Variants in UGT2B17 observed in about 807,000 individuals in gnomAD.
The protein encoded by UGT2B17 is UDP glucuronosyltransferase family 2 member B17, also known as UDP-glucuronosyltransferase 2B17.
Under a neutral mutation model 48.2 loss-of-function variants are expected in UGT2B17, and 21 were observed. That is an observed-to-expected ratio of 0.44 (90% confidence interval 0.31 to 0.63). UGT2B17 has a LOEUF of 0.63. Among genes scored for constraint, UGT2B17 ranks in the 20% least tolerant of loss-of-function variants. The pLI, the probability that UGT2B17 is intolerant of heterozygous loss-of-function variation, is 0.08. For synonymous variants in UGT2B17, 146 were observed against 238.4 expected, an observed-to-expected ratio of 0.61 and a Z score of 3.57; for missense variants, 402 against 696.1, an observed-to-expected ratio of 0.58 and a Z score of 4.75.
At position 68,571,465 on chromosome 4, in the gene UGT2B17, G is replaced by T. The variant is rs1350528200; in HGVS notation, c.-64-2917C>A. Among the ~76,000 whole-genome samples the T allele has an allele frequency of 1.6e-5, 2 of 126,528 alleles. 1 individual carries two copies. The highest frequency in any genetic ancestry group is 3.4e-5 in the Non-Finnish European group (2 of 59,666). The allele number at this position is 126,528 out of a possible 152,430, so 83.0% of individuals were successfully genotyped here. On this transcript the variant is annotated intron_variant, in intron 1 of 6. Transcript: ENST00000317746. ...CAGTCTGCAACTTTGGAAATTTACT[G>T]AATGGATTTCTTTCTGTGTAATTGG...
Position 68,567,853 on chromosome 4 carries a change from C to G in UGT2B17, c.632G>C (p.Arg211Thr). The change falls in exon 2 of 7, where the codon AGG becomes ACG. Residue 211 changes from arginine to threonine, a missense_variant. By Grantham distance (71) the Arg-to-Thr change is moderately conservative. Around this residue, in one of 5 missense-constraint regions of UGT2B17, gnomAD observed 106 missense variants for 169.8 expected, o/e 0.62. Transcript: ENST00000317746. ...ELSDQMIFME[R>T]IKNMIYMLYF... ...AAGCATATATATCATATTTTTTATC[C>G]TCTCCATGAAAATCATTTGATCACT... 1 of 1,375,752 alleles carries G rather than the reference C, an allele frequency of 7.3e-7. No individual in the cohort carries two copies. Among genetic ancestry groups the G allele is most frequent in the Non-Finnish European group, 9.5e-7 (1 of 1,053,626 alleles). 85.2% of individuals were successfully genotyped at this position (1,375,752 alleles called of 1,614,324 possible). A position where few individuals can be genotyped will look rare whatever the true frequency, so the allele number is the denominator to read the frequency against.
In UGT2B17 at chr4:68,544,006, C is replaced by A. The variant is rs1730743057; in HGVS notation, c.1314-6102G>T. 2.4e-5 allele frequency among the ~76,000 whole-genome samples: 3 copies of A among 126,654 alleles called. 1 individual carries two copies. Among genetic ancestry groups the A allele is most frequent in the Non-Finnish European group, 5.0e-5 (3 of 59,760 alleles). 83.1% of individuals were successfully genotyped at this position (126,654 alleles called of 152,430 possible). A position where few individuals can be genotyped will look rare whatever the true frequency, so the allele number is the denominator to read the frequency against. On this transcript the variant is annotated intron_variant, in intron 6 of 6. Transcript: ENST00000317746. ...GAATGGAAACAAGTTGGAAAACACT[C>A]TGCAGGTTATCATCCAGGAGAGCTT...
Position 68,537,671 on chromosome 4 carries a change from C to G in UGT2B17, c.1547G>C (p.Cys516Ser). ...TCCTGTTTTGGCAAGCTTTCGGAAA[C>G]AAAACAGGCAACATTTTGTGATCAT... is the stretch of plus-strand genomic sequence containing the variant. ...IFMITKCCLF[C>S]FRKLAKTGKK... Residue 516 changes from cysteine (C) to serine (S), a missense_variant, in exon 7 of 7, where the codon TGT (cysteine) becomes TCT (serine). Around this residue, in one of 5 missense-constraint regions of UGT2B17, gnomAD observed 156 missense variants for 258.6 expected, o/e 0.60. Transcript: ENST00000317746. The G allele has an allele frequency of 7.3e-7, 1 of 1,375,946 alleles. No individual in the cohort carries two copies. Among genetic ancestry groups the G allele is most frequent in the African/African-American group, 1.5e-5 (1 of 67,894 alleles). The allele number at this position is 1,375,946 out of a possible 1,614,324, so 85.2% of individuals were successfully genotyped here.
chr4:68,537,972 G>A, intron 6 of UGT2B17, 68 bp from the exon 7 acceptor site: 1 of 1,111,918 alleles, frequency 9.0e-7, no homozygotes, highest in Non-Finnish European at 1.2e-6. Context: ...CAAGTCTATG[G>A]ATGGTCTTTG....
chr4:68,549,474 G>C (rs1297746297), intron 6 of UGT2B17, among the ~76,000 whole-genome samples: 1 of 124,446 alleles, frequency 8.0e-6, no homozygotes, highest in African/African-American at 2.7e-5. Flanking sequence ...ATAGAAAAAT[G>C]ACAAAATGTT....
Position 68,565,619 on chromosome 4 carries a change from C to A in UGT2B17, c.826G>T (p.Asp276Tyr), listed in dbSNP as rs769625320. 5.5e-5 allele frequency: 76 copies of A among 1,370,810 alleles called. 19 individuals carry two copies. The highest frequency in any genetic ancestry group is 1.2e-4 in the Admixed American group (6 of 49,200). The allele number at this position is 1,370,810 out of a possible 1,614,324, so 84.9% of individuals were successfully genotyped here. Residue 276 changes from aspartate (D) to tyrosine (Y), a missense_variant, in exon 3 of 7, where the codon GAT becomes TAT. This residue lies in a region of UGT2B17 where 106 missense variants were observed against 169.8 expected (regional missense o/e 0.62). Coordinates refer to ENST00000317746, the MANE Select transcript of UGT2B17 (RefSeq NM_001077.4). Reference protein sequence around the residue: ...EFPRPFLPNVDFVGGLHCKPA... With the variant: ...EFPRPFLPNVYFVGGLHCKPA... ...TTACAGTGAAGTCCTCCAACAAAAT[C>A]AACATTTGGTAAGAATGGGCGAGGA...
At chr4:68,573,922 G>A (rs1297382769) in intron 1 of UGT2B17, among the ~76,000 whole-genome samples, 6 of 126,628 alleles carry the variant, frequency 4.7e-5, no homozygotes, top group African/African-American at 1.6e-4. Flanking sequence ...GGGACTTCAG[G>A]ATATAGCAGA....
In UGT2B17 at chr4:68,540,192, C is replaced by G. The variant is rs1190831463; in HGVS notation, c.1314-2288G>C. Among the ~76,000 whole-genome samples the G allele has an allele frequency of 5.5e-5, 7 of 126,470 alleles. 3 individuals carry two copies. Among genetic ancestry groups the G allele is most frequent in the Non-Finnish European group, 1.2e-4 (7 of 59,644 alleles). The allele number at this position is 126,470 out of a possible 152,430, so 83.0% of individuals were successfully genotyped here. On this transcript the variant is annotated intron_variant, in intron 6 of 6. Coordinates refer to ENST00000317746, the MANE Select transcript of UGT2B17 (RefSeq NM_001077.4). ...TATATGTGCAATATATATACACACA[C>G]ACACATATAACACATAGGTTACATT...
At chr4:68,564,294 A>ATATATATATTTTTTTTTT (rs1366181355) in intron 3 of UGT2B17, among the ~76,000 whole-genome samples, 1 of 75,786 alleles carries the variant, frequency 1.3e-5, no homozygotes, top group African/African-American at 5.1e-5. Context: ...ATATATATAT[A>ATATATATATTTTTTTTTT]TTTTTTTTTT....
rs1235815007 is a variant in UGT2B17 at position 68,566,106 on chromosome 4, T to A, written c.725-386A>T. ...TAATAAAGTTAATAAAATTAAACAA[T>A]ATTTAATATTTAATTTAATATTTAA... On this transcript the variant is annotated intron_variant, in intron 2 of 6. Coordinates refer to ENST00000317746, the MANE Select transcript of UGT2B17 (RefSeq NM_001077.4). 2.5e-5 allele frequency among the ~76,000 whole-genome samples: 3 copies of A among 119,076 alleles called. 1 individual carries two copies. Among genetic ancestry groups the A allele is most frequent in the African/African-American group, 8.4e-5 (3 of 35,506 alleles). The allele number at this position is 119,076 out of a possible 152,430, so 78.1% of individuals were successfully genotyped here.
chr4:68,545,672 T>G (rs1730787566), intron 6 of UGT2B17, among the ~76,000 whole-genome samples: 1 of 124,578 alleles, frequency 8.0e-6, no homozygotes, highest in Non-Finnish European at 1.7e-5. Flanking sequence ...ATTGATAGAC[T>G]GCTAGCAAGA....
chr4:68,571,352 C>G lies in UGT2B17; in HGVS notation c.-64-2804G>C, dbSNP rs1304477534. Among the ~76,000 whole-genome samples the G allele has an allele frequency of 1.3e-4, 16 of 125,572 alleles. 4 individuals are homozygous for G. Among genetic ancestry groups the G allele is most frequent in the Non-Finnish European group, 1.2e-4 (7 of 59,362 alleles). The allele number at this position is 125,572 out of a possible 152,430, so 82.4% of individuals were successfully genotyped here. On this transcript the variant is annotated intron_variant, in intron 1 of 6. Coordinates refer to ENST00000317746, the MANE Select transcript of UGT2B17 (RefSeq NM_001077.4). Reference sequence around the variant, plus strand: ...CACAGCTACCTGTCTACTGATCAGGCAGCTTAGCATAAGCTTTGTGTCCAC... The same window carrying G: ...CACAGCTACCTGTCTACTGATCAGGGAGCTTAGCATAAGCTTTGTGTCCAC...
In UGT2B17 at chr4:68,568,357, A is replaced by G. The variant is rs1478268036; in HGVS notation, c.128T>C (p.Leu43Pro). Residue 43 changes from leucine (L) to proline (P), a missense_variant, in exon 2 of 7, where the codon CTG becomes CCG. Transcript: ENST00000317746. ...YSHWINMKTI[L>P]EELVQRGHEV... ...ATGACCCCTCTGAACAAGCTCTTCC[A>G]GGATTGTCTTCATATTTATCCAATG... 3 of 1,380,958 alleles carry G rather than the reference A, an allele frequency of 2.2e-6. 1 individual carries two copies. Among genetic ancestry groups the G allele is most frequent in the Non-Finnish European group, 2.8e-6 (3 of 1,055,404 alleles). The allele number at this position is 1,380,958 out of a possible 1,614,324, so 85.5% of individuals were successfully genotyped here. A position where few individuals can be genotyped will look rare whatever the true frequency, so the allele number is the denominator to read the frequency against.
intron 6 of UGT2B17, among the ~76,000 whole-genome samples, chr4:68,543,149 G>A (rs1000378999): frequency 2.4e-5 from 3 of 125,978 alleles, no homozygotes; most frequent in Non-Finnish European, 5.0e-5. Flanking sequence ...TACTCAAGTG[G>A]GTCCTGATCC....
intron 4 of UGT2B17, among the ~76,000 whole-genome samples, chr4:68,558,183 A>G (rs1208077258): frequency 8.1e-6 from 1 of 123,526 alleles, no homozygotes; most frequent in African/African-American, 2.7e-5. Flanking sequence ...TGTCTTTAGT[A>G]AAATTGGGAA....
At chr4:68,549,396 A>G (rs1463581572) in intron 6 of UGT2B17, among the ~76,000 whole-genome samples, 1 of 125,026 alleles carries the variant, frequency 8.0e-6, no homozygotes, top group Non-Finnish European at 1.7e-5. Context: ...ATATATGAAA[A>G]TCGTATATTT....
Position 68,562,413 on chromosome 4 carries a change from T to C in UGT2B17, c.874-1745A>G, listed in dbSNP as rs898425052. On this transcript the variant is annotated intron_variant, in intron 3 of 6. Coordinates refer to ENST00000317746, the MANE Select transcript of UGT2B17 (RefSeq NM_001077.4). The stretch of plus-strand genomic sequence containing the variant: ...CAGGCTTGAGCCACTGTGCCCGGTC[T>C]GATATCAGTTTTAATTGGAGATTCA... Among the ~76,000 whole-genome samples the C allele has an allele frequency of 1.6e-5, 2 of 126,352 alleles. 1 individual carries two copies. Among genetic ancestry groups the C allele is most frequent in the African/African-American group, 5.4e-5 (2 of 36,988 alleles). The allele number at this position is 126,352 out of a possible 152,430, so 82.9% of individuals were successfully genotyped here. A position where few individuals can be genotyped will look rare whatever the true frequency, so the allele number is the denominator to read the frequency against.
intron 6 of UGT2B17, among the ~76,000 whole-genome samples, chr4:68,547,544 G>A (rs1467597391): frequency 8.0e-6 from 1 of 124,624 alleles, no homozygotes; most frequent in African/African-American, 2.7e-5. Flanking sequence ...AACACCAAAA[G>A]CAATGGCAAC....
Position 68,550,819 on chromosome 4 carries a change from T to C in UGT2B17, c.1171A>G (p.Met391Val), listed in dbSNP as rs1402978773. 2.2e-6 allele frequency: 3 copies of C among 1,384,796 alleles called. 1 individual carries two copies. The highest frequency in any genetic ancestry group is 9.4e-7 in the Non-Finnish European group (1 of 1,060,650). 85.8% of individuals were successfully genotyped at this position (1,384,796 alleles called of 1,614,324 possible). Residue 391 changes from methionine to valine, a missense_variant, in exon 6 of 7, where the codon ATG becomes GTG. Physicochemically the swap from Met to Val is conservative, Grantham distance 21 (BLOSUM62 1). Around this residue, in one of 5 missense-constraint regions of UGT2B17, gnomAD observed 156 missense variants for 258.6 expected, o/e 0.60. Coordinates refer to ENST00000317746, the MANE Select transcript of UGT2B17 (RefSeq NM_001077.4). ...IYEAIYHGIPMVGIPLFADQH... is the reference protein window; with the variant it reads ...IYEAIYHGIPVVGIPLFADQH... Reference sequence around the variant, plus strand: ...TCCGCAAACAAGGGAATGCCCACCATAGGGATCCCATGGTAGATTGCCTCA... The same window carrying C: ...TCCGCAAACAAGGGAATGCCCACCACAGGGATCCCATGGTAGATTGCCTCA...
Sources: gnomAD v4.1 joint callset for allele counts (sites outside exome capture counted in the v4.1 genomes callset) on GRCh38, gnomAD v4.1.1 for gene constraint, gnomAD v4.1.1 regional missense constraint, MANE v1.5 for transcripts, NCBI Gene and HGNC (gene_info 2026-07-23, HGNC 2026-07-21) for gene names.